Variants in KIAA1217 observed in about 807,000 individuals in gnomAD.
KIAA1217 encodes sickle tail protein homolog.
Under a neutral mutation model 163.9 loss-of-function variants are expected in KIAA1217, and 88 were observed. That is an observed-to-expected ratio of 0.54 (90% CI 0.45 to 0.64). The LOEUF (loss-of-function observed/expected upper bound fraction) is 0.64, where lower values mean the gene tolerates loss of function less well. Ranked by LOEUF, KIAA1217 falls within the 30% of genes least tolerant of loss-of-function variation. The probability of loss-of-function intolerance (pLI) is 0.00; values close to 1 mark genes in which losing one functional copy is unlikely to be tolerated. For synonymous variants in KIAA1217, 903 were observed against 923.1 expected (o/e 0.98, Z 0.39); for missense variants, 2,372 against 2,475.0 (o/e 0.96, Z 0.88).
At chr10:24,419,885 C>T (rs759054850) in intron 3 of KIAA1217, among the ~76,000 whole-genome samples, 7 of 151,962 alleles carry the variant, frequency 4.6e-5, no homozygotes, top group Admixed American at 2.6e-4. Flanking sequence ...TTATAAGTTT[C>T]GGTGTTCACT....
chr10:24,260,990 C>T (rs1281762995), intron 2 of KIAA1217, among the ~76,000 whole-genome samples: 1 of 152,052 alleles, frequency 6.6e-6, no homozygotes, highest in Non-Finnish European at 1.5e-5. Context: ...GGACAAAATG[C>T]CTGTTTACAA....
intron 3 of KIAA1217, among the ~76,000 whole-genome samples, chr10:24,401,074 G>C (rs1003287069): frequency 6.6e-6 from 1 of 150,888 alleles, no homozygotes; most frequent in Non-Finnish European, 1.5e-5. Context: ...GAAATGACAG[G>C]TTACTTACAA....
rs1376870713 is a variant in KIAA1217, at chr10:23,733,979, A to G, written c.-321+38745A>G. Among the ~76,000 whole-genome samples the G allele has an allele frequency of 5.3e-5, 8 of 152,286 alleles. No individual in the cohort carries two copies. In the East Asian group the frequency reaches 1.5e-3, roughly 29 times the overall value. On this transcript the variant is annotated intron_variant, in intron 1 of 18. Transcript: ENST00000376462. ...TATATATTCCTGATTGTTCCTTATC[A>G]TGATAAGGAAAAACACATTTTTTCT...
intron 1 of KIAA1217, among the ~76,000 whole-genome samples, chr10:23,781,953 A>G (rs1048840053): frequency 6.6e-6 from 1 of 152,114 alleles, no homozygotes; most frequent in Non-Finnish European, 1.5e-5. Context: ...CCAGTACCAC[A>G]TTGTTTCAAT....
At chr10:24,074,561 CA>C (rs1427363067) in intron 2 of KIAA1217, among the ~76,000 whole-genome samples, 28 of 152,018 alleles carry the variant, frequency 1.8e-4, no homozygotes. Context: ...TCAAAGAAAC[CA>C]AACATAAAAG....
chr10:24,372,461 T>C (rs1174342532), intron 2 of KIAA1217, among the ~76,000 whole-genome samples: 1 of 152,062 alleles, frequency 6.6e-6, no homozygotes, highest in East Asian at 1.9e-4. Context: ...CAAATACTGG[T>C]TTCCAGCTTT....
chr10:24,441,618 G>A (rs562609167), intron 5 of KIAA1217, among the ~76,000 whole-genome samples: 24 of 152,182 alleles, frequency 1.6e-4, no homozygotes, highest in African/African-American at 5.8e-4. Flanking sequence ...TCTGTCTAAG[G>A]AGACTTGTGG....
intron 1 of KIAA1217, among the ~76,000 whole-genome samples, chr10:23,811,024 T>C (rs1837017229): frequency 7.9e-6 from 1 of 126,636 alleles, no homozygotes; most frequent in South Asian, 2.3e-4. Context: ...GTATATATAC[T>C]ATATGATATG....
chr10:24,296,539 TAA>T (rs59608634), intron 2 of KIAA1217, among the ~76,000 whole-genome samples: 5,342 of 152,270 alleles, frequency 0.035, 311 homozygotes, highest in African/African-American at 0.12. Flanking sequence ...AACTAATGAA[TAA>T]ATCACATTAA....
chr10:24,117,687 G>A (rs977543440), intron 2 of KIAA1217, among the ~76,000 whole-genome samples: 1 of 152,124 alleles, frequency 6.6e-6, no homozygotes. Flanking sequence ...TTCTGGTTTT[G>A]TTTTTGTTTT....
chr10:23,959,626 C>G (rs1844731358), intron 1 of KIAA1217, among the ~76,000 whole-genome samples: 1 of 151,956 alleles, frequency 6.6e-6, no homozygotes, highest in Non-Finnish European at 1.5e-5. Flanking sequence ...AAATGAAGAC[C>G]CAAAGAAACA....
At chr10:24,457,853 A>T (rs1219947940) in intron 5 of KIAA1217, among the ~76,000 whole-genome samples, 1 of 152,194 alleles carries the variant, frequency 6.6e-6, no homozygotes, top group African/African-American at 2.4e-5. Context: ...CTCGGTAGGC[A>T]TTTCGTCATA....
chr10:24,473,638 C>A lies in KIAA1217; in HGVS notation c.1257C>A (p.Asp419Glu). Residue 419 changes from aspartate to glutamate, a missense_variant, in exon 6 of 21, where the codon GAC (aspartate) becomes GAA (glutamate). Coordinates refer to ENST00000376454, the MANE Select transcript of KIAA1217 (RefSeq NM_019590.5). ...SHGGHPLDVP[D>E]HIIAYHRTAI... is the part of the protein sequence containing the mutation. ...GTGGACACCCACTGGATGTCCCCGA[C>A]CACATCATTGCATATCACCGCACCG... The A allele has an allele frequency of 6.2e-7, 1 of 1,614,156 alleles. No individual in the cohort carries two copies. Among genetic ancestry groups the A allele is most frequent in the South Asian group, 1.1e-5 (1 of 91,088 alleles).
intron 1 of KIAA1217, among the ~76,000 whole-genome samples, chr10:23,979,576 G>A (rs1175014116): frequency 2.6e-5 from 4 of 151,944 alleles, no homozygotes; most frequent in Admixed American, 6.6e-5. Context: ...ACGTTGATAC[G>A]GAAAATCATA....
chr10:24,486,380 A>G (rs1336061207), intron 6 of KIAA1217, among the ~76,000 whole-genome samples: 2 of 152,276 alleles, frequency 1.3e-5, no homozygotes, highest in Non-Finnish European at 1.5e-5. Context: ...GGGTATCCCT[A>G]TTGTCCTTGT....
At chr10:23,863,099 G>A (rs764688832) in intron 1 of KIAA1217, among the ~76,000 whole-genome samples, 2 of 152,082 alleles carry the variant, frequency 1.3e-5, no homozygotes, top group Non-Finnish European at 2.9e-5. Context: ...GGCCCTGTTA[G>A]CTCTGTGACC....
intron 2 of KIAA1217, among the ~76,000 whole-genome samples, chr10:24,328,904 T>C (rs1259746976): frequency 6.6e-6 from 1 of 151,948 alleles, no homozygotes; most frequent in Non-Finnish European, 1.5e-5. Context: ...TTTTCATAAC[T>C]GATGACATAA....
At position 24,484,224 on chromosome 10, in the gene KIAA1217, C is replaced by CATATATAT. The variant is rs1170144059; in HGVS notation, c.1679+10175_1679+10182dup. Reference sequence around the variant, plus strand: ...ACATATATATAGATAGATAGATATACATATATATATATATATATTTTTTTT... The same window carrying CATATATAT: ...ACATATATATAGATAGATAGATATACATATATATATATATATATATATATATTTTTTTT... On this transcript the variant is annotated intron_variant, in intron 6 of 20. Coordinates refer to ENST00000376454, the MANE Select transcript of KIAA1217 (RefSeq NM_019590.5). 3.9e-3 allele frequency among the ~76,000 whole-genome samples: 354 copies of CATATATAT among 90,304 alleles called. 4 individuals are homozygous for CATATATAT. The highest frequency in any genetic ancestry group is 0.011 in the East Asian group (34 of 3,014). The allele number at this position is 90,304 out of a possible 152,430, so 59.2% of individuals were successfully genotyped here.
chr10:24,113,438 C>T (rs2062932917), intron 2 of KIAA1217, among the ~76,000 whole-genome samples: 1 of 152,144 alleles, frequency 6.6e-6, no homozygotes, highest in African/African-American at 2.4e-5. Context: ...GATGACAAAG[C>T]AGTAGAAAAG....
Sources: allele counts gnomAD v4.1 joint callset (sites outside exome capture counted in the v4.1 genomes callset), GRCh38; gene constraint gnomAD v4.1.1; transcripts MANE v1.5; gene names NCBI Gene and HGNC (gene_info 2026-07-23, HGNC 2026-07-21).